The following HMCN1 variants were observed in gnomAD, a reference collection of about 807,000 sequenced individuals.
HMCN1 encodes the protein hemicentin 1, also known as hemicentin-1.
Under a neutral mutation model 625.9 loss-of-function variants are expected in HMCN1, and 321 were observed. The ratio of observed to expected loss-of-function variants is 0.51; its 90% CI spans 0.47 to 0.56. HMCN1 has a LOEUF of 0.56. Ranked by LOEUF, HMCN1 falls within the 20% of genes least tolerant of loss-of-function variation. HMCN1 has a pLI of 0.00. For missense variants in HMCN1, 6,588 were observed against 6,887.3 expected (o/e 0.96, Z 1.54); for synonymous variants, 2,425 against 2,417.6 (o/e 1.00, Z -0.09).
chr1:185,839,802 C>T (rs1484010328), intron 1 of HMCN1, among the ~76,000 whole-genome samples: 1 of 152,174 alleles, frequency 6.6e-6, no homozygotes, highest in Non-Finnish European at 1.5e-5. Context: ...ATGCATTATA[C>T]ATATACTATG....
chr1:185,877,940 C>G (rs990193467), intron 4 of HMCN1, among the ~76,000 whole-genome samples: 4 of 151,990 alleles, frequency 2.6e-5, no homozygotes, highest in East Asian at 1.9e-4. Context: ...CTCTTTGTCC[C>G]CATTGGTTCT....
intron 57 of HMCN1, among the ~76,000 whole-genome samples, chr1:186,083,500 T>TTAAAAAA (rs749093684): frequency 8.1e-6 from 1 of 123,666 alleles, no homozygotes; most frequent in African/African-American, 3.1e-5. Context: ...CACTTTTTGC[T>TTAAAAAA]AAAAAAAAAA....
chr1:186,016,157 A>G lies in HMCN1; in HGVS notation c.5109A>G (p.Gln1703=). 6.2e-7 allele frequency: 1 copy of G among 1,613,496 alleles called. No homozygotes were observed. Among genetic ancestry groups the G allele is most frequent in the South Asian group, 1.1e-5 (1 of 91,074 alleles). ...GGKKLEIMSA[Q]EIDRGQYICV... is the part of the protein sequence containing the mutation. The stretch of plus-strand genomic sequence containing the variant: ...AGAAACTCGAAATCATGAGTGCCCA[A>G]GAAATTGATCGAGGACAGTACATAT... Residue 1703 remains glutamine, a synonymous_variant, in exon 32 of 107, where the codon CAA becomes CAG. Coordinates refer to ENST00000271588, the MANE Select transcript of HMCN1 (RefSeq NM_031935.3).
rs1364589553 is a variant in HMCN1, at chr1:186,039,859, A to G, written c.6160A>G (p.Ser2054Gly). 1 of 1,613,364 alleles carries G rather than the reference A, an allele frequency of 6.2e-7. No homozygotes were observed. ...GTTGAAAGATGGGAGTCCTGTTTCT[A>G]GTTTTTCTAATGGATTACAGGTACC... ...TWLKDGSPVS[S>G]FSNGLQVLSG... The change falls in exon 39 of 107, where the codon AGT (serine) becomes GGT (glycine). Residue 2054 changes from serine (S) to glycine (G), a missense_variant. By Grantham distance (56) the Ser-to-Gly change is moderately conservative (BLOSUM62 0). Coordinates refer to ENST00000271588, the MANE Select transcript of HMCN1 (RefSeq NM_031935.3).
chr1:186,117,568 C>G lies in HMCN1; in HGVS notation c.11793C>G (p.Thr3931=), dbSNP rs76430089. ...SGVPFPSIHW[T]KNGIRLLPRG... is the part of the protein sequence containing the mutation. Reference sequence around the variant, plus strand: ...TTCCATTTCCCTCAATTCACTGGACCAAAAATGGTATAAGACTGCTTCCCA... The same window carrying G: ...TTCCATTTCCCTCAATTCACTGGACGAAAAATGGTATAAGACTGCTTCCCA... The change falls in exon 77 of 107, where the codon ACC becomes ACG. Residue 3931 remains threonine (T), a synonymous_variant. Coordinates refer to ENST00000271588, the MANE Select transcript of HMCN1 (RefSeq NM_031935.3). 23 of 1,613,798 alleles carry G rather than the reference C, an allele frequency of 1.4e-5. No homozygotes were observed. In the African/African-American group the frequency reaches 2.8e-4, roughly 20 times the overall value.
Position 186,028,124 on chromosome 1 carries a change from A to C in HMCN1, c.5749+4971A>C, listed in dbSNP as rs80069540. Among the ~76,000 whole-genome samples, 1,397 of 152,308 alleles carry C rather than the reference A, an allele frequency of 9.2e-3. 24 individuals are homozygous for C. The highest frequency in any genetic ancestry group is 0.032 in the African/African-American group (1,346 of 41,570). On this transcript the variant is annotated intron_variant, in intron 36 of 106. Transcript: ENST00000271588. ...ATTGCTTATGTACTACCTGTAATTT[A>C]ACCAGGATTTGAAAGACTCTACTCA...
At chr1:185,775,086 AG>A (rs1355044600) in intron 1 of HMCN1, among the ~76,000 whole-genome samples, 1 of 152,182 alleles carries the variant, frequency 6.6e-6, no homozygotes, top group Admixed American at 6.5e-5. Context: ...GGAGATGCTA[AG>A]GGCAGAGTGG....
intron 55 of HMCN1, 61 bp from the exon 56 acceptor site, chr1:186,081,146 T>C: frequency 7.2e-7 from 1 of 1,389,842 alleles, no homozygotes; most frequent in South Asian, 1.2e-5. Flanking sequence ...TGTCAGAAAA[T>C]TAGCATGATT....
intron 24 of HMCN1, among the ~76,000 whole-genome samples, chr1:185,995,677 GA>G (rs950035623): frequency 1.3e-5 from 2 of 152,058 alleles, no homozygotes; most frequent in Non-Finnish European, 2.9e-5. Flanking sequence ...ATACGATTGT[GA>G]AAAGTGCTTT....
At chr1:186,139,207 A>C (rs573385700) in intron 89 of HMCN1, among the ~76,000 whole-genome samples, 2 of 152,364 alleles carry the variant, frequency 1.3e-5, no homozygotes, top group South Asian at 4.1e-4. Flanking sequence ...GCTAATAAAA[A>C]ATGAATCAAA....
intron 93 of HMCN1, among the ~76,000 whole-genome samples, chr1:186,150,841 G>A (rs1344057990): frequency 6.6e-6 from 1 of 151,748 alleles, no homozygotes; most frequent in Non-Finnish European, 1.5e-5. Context: ...CATACTAGAT[G>A]TTTACCATCA....
In HMCN1 at chr1:185,993,107, T is replaced by C. The variant is rs1652543690; in HGVS notation, c.3378-75T>C. On this transcript the variant is annotated intron_variant, in intron 22 of 106. Transcript: ENST00000271588. Reference sequence around the variant, plus strand: ...AACTACTTGCAGAGTAGTAATTTCATACTGAAGTGTAGCTGCATAGGGGAT... The same window carrying C: ...AACTACTTGCAGAGTAGTAATTTCACACTGAAGTGTAGCTGCATAGGGGAT... The C allele has an allele frequency of 1.3e-5, 19 of 1,420,226 alleles. No individual in the cohort carries two copies. In the South Asian group the frequency reaches 2.1e-4, roughly 16 times the overall value. The allele number at this position is 1,420,226 out of a possible 1,614,324, so 88.0% of individuals were successfully genotyped here.
In HMCN1 at chr1:185,769,544, A is replaced by G. The variant is rs147881447; in HGVS notation, c.268+34497A>G. 6.6e-3 allele frequency among the ~76,000 whole-genome samples: 1,001 copies of G among 152,304 alleles called. 9 individuals are homozygous for G. Among genetic ancestry groups the G allele is most frequent in the African/African-American group, 0.023 (939 of 41,560 alleles). The stretch of plus-strand genomic sequence containing the variant: ...CCTATCATATAAAAAGAAAAATGGC[A>G]GGGTAGAGAAGAGTTTGGGTTGTTA... On this transcript the variant is annotated intron_variant, in intron 1 of 106. Transcript: ENST00000271588.
intron 36 of HMCN1, among the ~76,000 whole-genome samples, chr1:186,033,620 C>T (rs1655628588): frequency 6.6e-6 from 1 of 151,526 alleles, no homozygotes; most frequent in Non-Finnish European, 1.5e-5. Context: ...AAAAAATTTC[C>T]CATCCGTGGT....
intron 20 of HMCN1, among the ~76,000 whole-genome samples, chr1:185,989,265 G>A (rs901667902): frequency 1.3e-4 from 19 of 151,928 alleles, no homozygotes; most frequent in Non-Finnish European, 5.9e-5. Flanking sequence ...AAAGTGTTGG[G>A]ATTACAGGTG....
At chr1:186,033,153 G>A (rs1051006984) in intron 36 of HMCN1, among the ~76,000 whole-genome samples, 3 of 151,946 alleles carry the variant, frequency 2.0e-5, no homozygotes, top group Non-Finnish European at 4.4e-5. Flanking sequence ...CAGCAACTTG[G>A]ATGGAGCTGG....
chr1:186,043,712 A>G (rs746710283), intron 40 of HMCN1, among the ~76,000 whole-genome samples: 1 of 152,092 alleles, frequency 6.6e-6, no homozygotes. Context: ...GAAATCAGCT[A>G]TTCTATTTTG....
chr1:185,981,119 A>C (rs759993589), intron 17 of HMCN1, 46 bp downstream of exon 17: 1 of 1,147,902 alleles, frequency 8.7e-7, no homozygotes, highest in Non-Finnish European at 1.3e-6. Context: ...CAAAGTCATC[A>C]GACTTCTTTT....
chr1:186,057,027 A>C (rs1657374250), intron 45 of HMCN1, among the ~76,000 whole-genome samples: 1 of 116,852 alleles, frequency 8.6e-6, no homozygotes, highest in African/African-American at 3.7e-5. Context: ...TACTTCCAGG[A>C]ATGTCACACA....
Sources: gnomAD v4.1 joint callset for allele counts (sites outside exome capture counted in the v4.1 genomes callset) on GRCh38, gnomAD v4.1.1 for gene constraint, MANE v1.5 for transcripts, NCBI Gene and HGNC (gene_info 2026-07-23, HGNC 2026-07-21) for gene names.